DYNC1I1: variants seen among roughly 807,000 people sequenced by gnomAD.
The protein encoded by DYNC1I1 is cytoplasmic dynein 1 intermediate chain 1.
A neutral mutation model predicts 86.6 loss-of-function variants in DYNC1I1; 43 were observed. That is an observed-to-expected ratio of 0.50 (90% confidence interval 0.39 to 0.64). The LOEUF is 0.64. DYNC1I1 is among the 30% of genes least tolerant of loss of function. The pLI, the probability that DYNC1I1 is intolerant of heterozygous loss-of-function variation, is 0.00. For synonymous variants in DYNC1I1, 262 were observed against 283.7 expected (o/e 0.92, Z 0.77); for missense variants, 604 against 788.8 (o/e 0.77, Z 2.81).
At chr7:95,963,956 T>C (rs1792939048) in intron 6 of DYNC1I1, among the ~76,000 whole-genome samples, 1 of 152,186 alleles carries the variant, frequency 6.6e-6, no homozygotes, top group African/African-American at 2.4e-5. Context: ...CTCAAACTAC[T>C]AGCTTTCTTC....
chr7:95,788,079 A>G (rs989567709), intron 1 of DYNC1I1, among the ~76,000 whole-genome samples: 1 of 152,088 alleles, frequency 6.6e-6, no homozygotes, highest in Non-Finnish European at 1.5e-5. Flanking sequence ...AGGCTATTAC[A>G]AGGAATTTGG....
chr7:95,983,846 A>G (rs1793516991), intron 7 of DYNC1I1, among the ~76,000 whole-genome samples: 4 of 152,116 alleles, frequency 2.6e-5, no homozygotes, highest in Admixed American at 2.6e-4. Flanking sequence ...GAGCTTCTGT[A>G]CTACTTACTG....
intron 5 of DYNC1I1, among the ~76,000 whole-genome samples, chr7:95,862,423 TATAC>T (rs1395652813): frequency 6.6e-6 from 1 of 151,230 alleles, no homozygotes; most frequent in East Asian, 1.9e-4. Context: ...CCAAAGAAGA[TATAC>T]AAATGGTCAG....
At chr7:95,815,272 G>A (rs953088787) in intron 4 of DYNC1I1, among the ~76,000 whole-genome samples, 1 of 152,006 alleles carries the variant, frequency 6.6e-6, no homozygotes, top group Non-Finnish European at 1.5e-5. Context: ...CTTTGGAAGA[G>A]GTGCAGCTTA....
At chr7:95,909,196 A>C (rs1372489102) in intron 6 of DYNC1I1, among the ~76,000 whole-genome samples, 4 of 125,874 alleles carry the variant, frequency 3.2e-5, no homozygotes, top group Non-Finnish European at 6.5e-5. Context: ...AAAAAAAAAA[A>C]AAACCCAGCT....
chr7:96,078,781 C>T (rs1790422366), intron 15 of DYNC1I1, among the ~76,000 whole-genome samples: 1 of 151,898 alleles, frequency 6.6e-6, no homozygotes, highest in South Asian at 2.1e-4. Flanking sequence ...CTGTATGAAC[C>T]TTCTAAATTA....
chr7:96,029,054 A>G (rs1794748909), intron 11 of DYNC1I1, among the ~76,000 whole-genome samples: 2 of 152,284 alleles, frequency 1.3e-5, no homozygotes, highest in South Asian at 4.1e-4. Flanking sequence ...GCCCAAGGAT[A>G]CAGCTTTACT....
intron 9 of DYNC1I1, among the ~76,000 whole-genome samples, chr7:95,990,959 G>A (rs916325153): frequency 1.3e-5 from 2 of 152,122 alleles, no homozygotes; most frequent in Admixed American, 6.5e-5. Context: ...GAGCCTGGAG[G>A]CAGAGGTTGC....
At chr7:96,005,064 G>A (rs1462088614) in intron 10 of DYNC1I1, among the ~76,000 whole-genome samples, 1 of 152,124 alleles carries the variant, frequency 6.6e-6, no homozygotes, top group African/African-American at 2.4e-5. Context: ...ATAAGAGTAT[G>A]AGTAAAAACT....
intron 2 of DYNC1I1, among the ~76,000 whole-genome samples, chr7:95,810,006 C>T (rs1010208615): frequency 6.6e-6 from 1 of 152,078 alleles, no homozygotes; most frequent in African/African-American, 2.4e-5. Flanking sequence ...AACATGGGGC[C>T]TGAATATTAC....
At chr7:95,952,663 A>C (rs567831744) in intron 6 of DYNC1I1, among the ~76,000 whole-genome samples, 43 of 152,298 alleles carry the variant, frequency 2.8e-4, no homozygotes, top group African/African-American at 9.9e-4. Flanking sequence ...AGTGAGCGCT[A>C]TGTTATTTCT....
chr7:95,922,589 C>A (rs1791639113), intron 6 of DYNC1I1, among the ~76,000 whole-genome samples: 1 of 152,200 alleles, frequency 6.6e-6, no homozygotes, highest in African/African-American at 2.4e-5. Context: ...CTTCCCCACA[C>A]TTTTATGTGT....
chr7:96,054,136 A>G (rs1407553184), intron 14 of DYNC1I1, among the ~76,000 whole-genome samples: 1 of 152,002 alleles, frequency 6.6e-6, no homozygotes, highest in Non-Finnish European at 1.5e-5. Flanking sequence ...TCCCTCCCCT[A>G]GCCCCTCACC....
intron 1 of DYNC1I1, among the ~76,000 whole-genome samples, chr7:95,783,746 T>G (rs1161045941): frequency 6.6e-6 from 1 of 152,158 alleles, no homozygotes; most frequent in Admixed American, 6.5e-5. Flanking sequence ...AAAATGTGAT[T>G]ATGATTAAGA....
chr7:96,109,465 G>C (rs1052683329), intron 16 of DYNC1I1, among the ~76,000 whole-genome samples: 2 of 148,486 alleles, frequency 1.3e-5, no homozygotes, highest in African/African-American at 5.0e-5. Context: ...AGTTTGTTAA[G>C]GTGAAAAATT....
chr7:96,085,931 AT>A lies in DYNC1I1; in HGVS notation c.1776+5451del, dbSNP rs548809100. 2.3e-3 allele frequency among the ~76,000 whole-genome samples: 339 copies of A among 150,102 alleles called. 2 individuals are homozygous for A. The highest frequency in any genetic ancestry group is 4.1e-3 in the Non-Finnish European group (275 of 67,514). The stretch of plus-strand genomic sequence containing the variant: ...TACCTGAAAACAGAGCTATTGTTGG[AT>A]TTTTTTTCAAATGATGTATGAACAC... On this transcript the variant is annotated intron_variant, in intron 16 of 16. Coordinates refer to ENST00000447467, the MANE Select transcript of DYNC1I1 (RefSeq NM_001135556.2).
intron 5 of DYNC1I1, among the ~76,000 whole-genome samples, chr7:95,832,714 G>A (rs1788947138): frequency 6.6e-6 from 1 of 151,898 alleles, no homozygotes; most frequent in African/African-American, 2.4e-5. Context: ...TTTCTCTGAT[G>A]GCCAGTGATG....
intron 1 of DYNC1I1, among the ~76,000 whole-genome samples, chr7:95,776,678 G>A (rs1301946130): frequency 6.6e-6 from 1 of 152,146 alleles, no homozygotes; most frequent in Non-Finnish European, 1.5e-5. Context: ...AATGTTCTTG[G>A]CTATCAGGAC....
intron 14 of DYNC1I1, among the ~76,000 whole-genome samples, chr7:96,044,941 A>G (rs1167890866): frequency 6.6e-6 from 1 of 152,114 alleles, no homozygotes; most frequent in Non-Finnish European, 1.5e-5. Flanking sequence ...TTCCTCCAAG[A>G]AAGGGCAGCA....
Sources: gnomAD v4.1 joint callset for allele counts (sites outside exome capture counted in the v4.1 genomes callset) on GRCh38, gnomAD v4.1.1 for gene constraint, MANE v1.5 for transcripts, NCBI Gene and HGNC (gene_info 2026-07-23, HGNC 2026-07-21) for gene names.